The following TSC22D4 variants were observed in gnomAD, a reference collection of about 807,000 sequenced individuals.
TSC22D4 encodes the protein TSC22 domain family member 4.
In TSC22D4, 5 loss-of-function variants were observed where a neutral mutation model predicts 24.9. That is an observed-to-expected ratio of 0.20 (90% CI 0.10 to 0.42). The LOEUF (loss-of-function observed/expected upper bound fraction) is 0.42, where lower values mean the gene tolerates loss of function less well. Ranked by LOEUF, TSC22D4 falls within the 10% of genes least tolerant of loss-of-function variation. TSC22D4 has a pLI of 1.00. For missense variants in TSC22D4, 469 were observed against 547.9 expected (o/e 0.86, Z 1.44); for synonymous variants, 245 against 243.2 (o/e 1.01, Z -0.07).
chr7:100,478,357 GTGTGTGT>G, intron 1 of TSC22D4, 50 bp from the exon 2 acceptor site: 1 of 120,190 alleles, frequency 8.3e-6, no homozygotes, highest in Non-Finnish European at 1.7e-5. Flanking sequence ...GAGAGTGTGT[GTGTGTGT>G]GTGTGTGTGT....
intron 3 of TSC22D4, among the ~76,000 whole-genome samples, chr7:100,471,013 A>G (rs771115483): frequency 6.6e-5 from 10 of 152,092 alleles, no homozygotes; most frequent in Non-Finnish European, 1.2e-4. Flanking sequence ...GGGTCAAATA[A>G]AACGGCCTCA....
rs1454716942 is a variant in TSC22D4 at position 100,467,591 on chromosome 7, T to G, written c.939A>C (p.Gly313=). The G allele has an allele frequency of 6.2e-7, 1 of 1,613,960 alleles. No homozygotes were observed. The highest frequency in any genetic ancestry group is 8.5e-7 in the Non-Finnish European group (1 of 1,179,984). The change falls in exon 4 of 5, where the codon GGA becomes GGC. Residue 313 remains glycine (G), a synonymous_variant. Transcript: ENST00000300181. The part of the protein sequence containing the change: ...HLDSDDDSGS[G]SLVGIDNKIE... ...TTTTGTTGTCAATGCCAACCAGGCT[T>G]CCGGAGCCACTGGAGAGACACAGGA... is the stretch of plus-strand genomic sequence containing the variant.
rs903889751 is a variant in TSC22D4, at chr7:100,467,418, G to A, written c.978+134C>T. ...GTGGTGGCAGGAGGGGGCAGAGGAT[G>A]CCCAGCAGCCCAGCAGGGAGAGGGA... On this transcript the variant is annotated intron_variant, in intron 4 of 4. Transcript: ENST00000300181. 4 of 1,017,338 alleles carry A rather than the reference G, an allele frequency of 3.9e-6. No individual in the cohort carries two copies. In the Admixed American group the frequency reaches 7.9e-5, roughly 20 times the overall value. The allele number at this position is 1,017,338 out of a possible 1,614,324, so 63.0% of individuals were successfully genotyped here. A position where few individuals can be genotyped will look rare whatever the true frequency, so the allele number is the denominator to read the frequency against.
In TSC22D4 at chr7:100,474,409, G is replaced by C; in HGVS notation, c.794C>G (p.Pro265Arg). The C allele has an allele frequency of 6.2e-7, 1 of 1,613,866 alleles. No individual in the cohort carries two copies. Residue 265 changes from proline to arginine, a missense_variant, in exon 3 of 5, where the codon CCA (proline) becomes CGA (arginine). Coordinates refer to ENST00000300181, the MANE Select transcript of TSC22D4 (RefSeq NM_030935.5). This position sits in a 1 kb window ranked among gnomAD's most constrained non-coding sequence, Gnocchi z 4.3. ...VPPLDSRPSS[P>R]ALYFTHDASL... ...GGCATCGTGGGTGAAGTAGAGGGCT[G>C]GGGAGCTGGGGCGAGAGTCAAGTGG...
In TSC22D4 at chr7:100,467,584, C is replaced by G; in HGVS notation, c.946G>C (p.Val316Leu). The change falls in exon 4 of 5, where the codon GTT becomes CTT. Residue 316 changes from valine (V) to leucine (L), a missense_variant. Val to Leu is a conservative substitution (Grantham distance 32, BLOSUM62 1). Transcript: ENST00000300181. ...SDDDSGSGSL[V>L]GIDNKIEQAM... ...TGCTCGATTTTGTTGTCAATGCCAA[C>G]CAGGCTTCCGGAGCCACTGGAGAGA... The G allele has an allele frequency of 9.9e-6, 16 of 1,614,100 alleles. No individual in the cohort carries two copies. Among genetic ancestry groups the G allele is most frequent in the Non-Finnish European group, 1.4e-5 (16 of 1,179,982 alleles).
chr7:100,478,346 AGAGAGTGTGTGTGTGTGTGTGT>A (rs1799554342), intron 1 of TSC22D4, 39 bp from the exon 2 acceptor site: 1 of 269,878 alleles, frequency 3.7e-6, no homozygotes, highest in African/African-American at 3.4e-5. Context: ...AGAGAGAGAG[AGAGAGTGTGTGTGTGTGTGTGT>A]GTGTGTGTGT....
chr7:100,468,885 C>T (rs1371171468), intron 3 of TSC22D4, among the ~76,000 whole-genome samples: 1 of 150,608 alleles, frequency 6.6e-6, no homozygotes, highest in African/African-American at 2.4e-5. Flanking sequence ...TGCAGTGAGC[C>T]GAGATCGTGC....
chr7:100,467,427 C>A, intron 4 of TSC22D4, 125 bp downstream of exon 4: 1 of 1,119,708 alleles, frequency 8.9e-7, no homozygotes, highest in Non-Finnish European at 1.3e-6. Flanking sequence ...TGCCCAGCAG[C>A]CCAGCAGGGA....
rs762737922 is a variant in TSC22D4, at chr7:100,477,642, G to T, written c.397C>A (p.Leu133Ile). 2 of 1,595,288 alleles carry T rather than the reference G, an allele frequency of 1.3e-6. No individual in the cohort carries two copies. Among genetic ancestry groups the T allele is most frequent in the Non-Finnish European group, 1.7e-6 (2 of 1,175,636 alleles). ...GGTGGGGTGGGGGCGCCCAGGCCGA[G>T]GCTGGCCAGCTCCAACCTGGAATCC... is the stretch of plus-strand genomic sequence containing the variant. Reference protein sequence around the residue: ...SLDSRLELASLGLGAPTPPSG... With the variant: ...SLDSRLELASIGLGAPTPPSG... Residue 133 changes from leucine (L) to isoleucine (I), a missense_variant, in exon 2 of 5, where the codon CTC (leucine) becomes ATC (isoleucine). Transcript: ENST00000300181. This position sits in a 1 kb window ranked among gnomAD's most constrained non-coding sequence, Gnocchi z 7.8.
At position 100,467,138 on chromosome 7, in the gene TSC22D4, C is replaced by T; in HGVS notation, c.1009G>A (p.Val337Ile). ...DLVKSHLMFA[V>I]REEVEVLKEQ... is the part of the protein sequence containing the mutation. ...TTCAGCACCTCCACCTCCTCCCGGACCGCAAACATGAGGTGGGACTTCACC... is the reference window on the plus strand; with the variant it reads ...TTCAGCACCTCCACCTCCTCCCGGATCGCAAACATGAGGTGGGACTTCACC... The change falls in exon 5 of 5, where the codon GTC (valine) becomes ATC (isoleucine). Residue 337 changes from valine (V) to isoleucine (I), a missense_variant. Transcript: ENST00000300181. The T allele has an allele frequency of 1.2e-6, 2 of 1,614,184 alleles. 1 individual carries two copies. The highest frequency in any genetic ancestry group is 2.2e-5 in the South Asian group (2 of 91,088).
intron 2 of TSC22D4, among the ~76,000 whole-genome samples, chr7:100,475,949 G>A (rs1271285668): frequency 1.3e-5 from 2 of 151,942 alleles, no homozygotes; most frequent in African/African-American, 4.8e-5. Flanking sequence ...GAGGCATGAG[G>A]GGACGTGGAA....
rs200720989 is a variant in TSC22D4, at chr7:100,477,264, A to G, written c.762+13T>C. ...CCAGGGCTGATGGGCCAGCCCTAGA[A>G]CCCAGGTCTTACCTGCCCCATCTCT... On this transcript the variant is annotated intron_variant, in intron 2 of 4. Transcript: ENST00000300181. The surrounding 1 kb of genome is among the most constrained non-coding windows in gnomAD (Gnocchi z 7.8). 102 of 1,488,906 alleles carry G rather than the reference A, an allele frequency of 6.9e-5. No homozygotes were observed. The highest frequency in any genetic ancestry group is 3.4e-4 in the South Asian group (24 of 69,606). The allele number at this position is 1,488,906 out of a possible 1,614,324, so 92.2% of individuals were successfully genotyped here. A position where few individuals can be genotyped will look rare whatever the true frequency, so the allele number is the denominator to read the frequency against.
intron 3 of TSC22D4, chr7:100,467,834 A>C: frequency 1.4e-6 from 1 of 691,464 alleles, no homozygotes; most frequent in South Asian, 1.5e-5. Context: ...CGGGGAGAGC[A>C]AGGGGAAGAG....
rs746780454 is a variant in TSC22D4 at position 100,477,156 on chromosome 7, G to A, written c.762+121C>T. The A allele has an allele frequency of 1.5e-5, 13 of 864,262 alleles. No homozygotes were observed. The East Asian group carries it at 2.0e-4, about 13-fold the overall frequency. 53.5% of individuals were successfully genotyped at this position (864,262 alleles called of 1,614,324 possible). A position where few individuals can be genotyped will look rare whatever the true frequency, so the allele number is the denominator to read the frequency against. Reference sequence around the variant, plus strand: ...GTGACCTGGCAGGCACAGAGAAGAGGGCTATCTGATCTTATAAAGTGATGG... The same window carrying A: ...GTGACCTGGCAGGCACAGAGAAGAGAGCTATCTGATCTTATAAAGTGATGG... On this transcript the variant is annotated intron_variant, in intron 2 of 4. Coordinates refer to ENST00000300181, the MANE Select transcript of TSC22D4 (RefSeq NM_030935.5). This position sits in a 1 kb window ranked among gnomAD's most constrained non-coding sequence, Gnocchi z 7.8.
intron 2 of TSC22D4, among the ~76,000 whole-genome samples, chr7:100,476,982 C>G (rs1184259538): frequency 6.6e-6 from 1 of 152,120 alleles, no homozygotes. Flanking sequence ...GAGACCAAGA[C>G]AGAAGAAGGC....
chr7:100,468,107 AC>A (rs755246706), intron 3 of TSC22D4: 8 of 329,034 alleles, frequency 2.4e-5, no homozygotes, highest in East Asian at 2.0e-4. Context: ...GATATACACC[AC>A]CCCCCCAAGG....
intron 1 of TSC22D4, 54 bp downstream of exon 1, chr7:100,478,740 G>C (rs1799564973): frequency 6.6e-6 from 1 of 152,336 alleles, no homozygotes; most frequent in Non-Finnish European, 1.5e-5. Flanking sequence ...CCACATCTCT[G>C]GGGCAGGCCC....
chr7:100,475,603 C>G (rs531802331), intron 2 of TSC22D4, among the ~76,000 whole-genome samples: 1 of 152,308 alleles, frequency 6.6e-6, no homozygotes, highest in South Asian at 2.1e-4. Context: ...TCACCCACCC[C>G]CCACTCTCGC....
chr7:100,475,306 T>C (rs1799475171), intron 2 of TSC22D4, among the ~76,000 whole-genome samples: 2 of 152,106 alleles, frequency 1.3e-5, no homozygotes, highest in Admixed American at 6.6e-5. Context: ...AGGCTGGTCT[T>C]GAACTCCTGA....
Sources: gnomAD v4.1 joint callset for allele counts (sites outside exome capture counted in the v4.1 genomes callset) on GRCh38, gnomAD v4.1.1 for gene constraint, Gnocchi (gnomAD v3.1) non-coding constraint, MANE v1.5 for transcripts, NCBI Gene and HGNC (gene_info 2026-07-23, HGNC 2026-07-21) for gene names.